Variants in WWTR1 observed in about 807,000 individuals in gnomAD.
WWTR1 encodes WW domain-containing transcription regulator protein 1.
Under a neutral mutation model 40.1 loss-of-function variants are expected in WWTR1, and 13 were observed. The ratio of observed to expected loss-of-function variants is 0.32; its 90% CI spans 0.21 to 0.52. WWTR1 has a LOEUF of 0.52. WWTR1 is among the 20% of genes least tolerant of loss of function. The pLI is 0.97. For synonymous variants in WWTR1, 230 were observed against 210.1 expected, an observed-to-expected ratio of 1.09 and a Z score of -0.82; for missense variants, 436 against 523.1, an observed-to-expected ratio of 0.83 and a Z score of 1.63.
intron 2 of WWTR1, among the ~76,000 whole-genome samples, chr3:149,604,768 G>A (rs547659074): frequency 6.6e-5 from 10 of 152,316 alleles, no homozygotes; most frequent in Non-Finnish European, 1.0e-4. Flanking sequence ...CACCCTCCCA[G>A]TCTGCTCAGA....
At chr3:149,677,144 T>C (rs961163473) in intron 1 of WWTR1, among the ~76,000 whole-genome samples, 2 of 151,904 alleles carry the variant, frequency 1.3e-5, no homozygotes, top group African/African-American at 4.8e-5. Context: ...TTGAACTCCT[T>C]ACCTCAGGTC....
At chr3:149,570,559 C>G (rs1197023867) in intron 3 of WWTR1, among the ~76,000 whole-genome samples, 1 of 143,804 alleles carries the variant, frequency 7.0e-6, no homozygotes, top group African/African-American at 2.6e-5. Context: ...CAGGGTGAGC[C>G]TCTTTCTCAA....
chr3:149,723,185 C>CT (rs35573546), intron 4 of WWTR1, among the ~76,000 whole-genome samples: 59,493 of 102,770 alleles, frequency 0.58, 18,087 homozygotes, highest in Middle Eastern at 0.63. Context: ...CTTTTCTTTT[C>CT]TTTTTTTTTT....
chr3:149,541,570 T>C (rs1298905255), intron 4 of WWTR1, among the ~76,000 whole-genome samples: 2 of 151,958 alleles, frequency 1.3e-5, no homozygotes, highest in Non-Finnish European at 2.9e-5. Flanking sequence ...TCATTTCTTC[T>C]GAGGAACATC....
At chr3:149,637,165 AAGC>A (rs1711870220) in intron 2 of WWTR1, among the ~76,000 whole-genome samples, 1 of 151,964 alleles carries the variant, frequency 6.6e-6, no homozygotes, top group South Asian at 2.1e-4. Flanking sequence ...TCTAATCTAA[AAGC>A]ATCAATTTCT....
chr3:149,553,748 G>A (rs1736709969), intron 3 of WWTR1, among the ~76,000 whole-genome samples: 1 of 152,118 alleles, frequency 6.6e-6, no homozygotes, highest in Non-Finnish European at 1.5e-5. Context: ...AAATATTTCA[G>A]CATCAAGAGT....
intron 1 of WWTR1, among the ~76,000 whole-genome samples, chr3:149,678,487 G>A (rs1324310409): frequency 6.6e-6 from 1 of 152,078 alleles, no homozygotes; most frequent in Non-Finnish European, 1.5e-5. Flanking sequence ...AGCAGTGAGT[G>A]GCAGACATTA....
intron 1 of WWTR1, among the ~76,000 whole-genome samples, chr3:149,695,839 G>A (rs1301524785): frequency 4.7e-5 from 7 of 149,510 alleles, no homozygotes; most frequent in African/African-American, 9.8e-5. Context: ...GAGGCCGGAC[G>A]CAGTGGCTCA....
intron 1 of WWTR1, among the ~76,000 whole-genome samples, chr3:149,691,133 A>G (rs1452808852): frequency 6.6e-6 from 1 of 151,996 alleles, no homozygotes; most frequent in Non-Finnish European, 1.5e-5. Context: ...AAATAAAAAC[A>G]CAACATACCA....
chr3:149,680,551 A>C (rs916268504), intron 1 of WWTR1, among the ~76,000 whole-genome samples: 2 of 128,460 alleles, frequency 1.6e-5, no homozygotes, highest in Non-Finnish European at 3.2e-5. Context: ...CTCAAAAAAA[A>C]CCAACCAACC....
At chr3:149,712,242 C>T (rs1221892478) in intron 5 of WWTR1, among the ~76,000 whole-genome samples, 1 of 152,114 alleles carries the variant, frequency 6.6e-6, no homozygotes, top group Non-Finnish European at 1.5e-5. Context: ...ACTATGACCA[C>T]ACCTGTGAAT....
chr3:149,687,251 G>A (rs10935771), intron 1 of WWTR1, among the ~76,000 whole-genome samples: 44,398 of 152,116 alleles, frequency 0.29, 7,994 homozygotes, highest in Middle Eastern at 0.5. Context: ...CTGTAAGATA[G>A]CTGCATCATA....
rs1264950883 is a variant in WWTR1, at chr3:149,656,754, ATCTCTCTCTTTCTCTCTC to A, written c.431+104_431+121del. The A allele has an allele frequency of 6.4e-4, 495 of 767,528 alleles. 2 individuals carry two copies. Among genetic ancestry groups the A allele is most frequent in the South Asian group, 4.8e-3 (196 of 41,086 alleles). 47.5% of individuals were successfully genotyped at this position (767,528 alleles called of 1,614,324 possible). A position where few individuals can be genotyped will look rare whatever the true frequency, so the allele number is the denominator to read the frequency against. On this transcript the variant is annotated intron_variant, in intron 2 of 6. Coordinates refer to ENST00000360632, the MANE Select transcript of WWTR1 (RefSeq NM_015472.6). ...AAATAACCGTGGAAGGACACGCACC[ATCTCTCTCTTTCTCTCTC>A]TCTCTCTCTCTCTCTCTCTCACACA... is the stretch of plus-strand genomic sequence containing the variant.
Position 149,533,688 on chromosome 3 carries a change from TC to T in WWTR1, c.772-5720del, listed in dbSNP as rs533912099. Among the ~76,000 whole-genome samples the T allele has an allele frequency of 1.2e-3, 180 of 152,224 alleles. 1 individual carries two copies. Among genetic ancestry groups the T allele is most frequent in the Non-Finnish European group, 1.9e-3 (132 of 68,010 alleles). ...GGAACCAGAAAGATTGGAGTTCAAA[TC>T]CCAGTTCAGTTACTACATGTTGTGG... On this transcript the variant is annotated intron_variant, in intron 4 of 6. Coordinates refer to ENST00000360632, the MANE Select transcript of WWTR1 (RefSeq NM_015472.6).
At chr3:149,546,336 A>T (rs1736364833) in intron 3 of WWTR1, among the ~76,000 whole-genome samples, 1 of 152,266 alleles carries the variant, frequency 6.6e-6, no homozygotes, top group Admixed American at 6.5e-5. Context: ...TAATTGCAAA[A>T]GATTAAAAAT....
At chr3:149,615,862 G>A (rs973315886) in intron 2 of WWTR1, among the ~76,000 whole-genome samples, 5 of 152,104 alleles carry the variant, frequency 3.3e-5, no homozygotes, top group East Asian at 1.9e-4. Flanking sequence ...ATTATTGTAC[G>A]TGAGCATGTC....
intron 2 of WWTR1, among the ~76,000 whole-genome samples, chr3:149,645,423 T>C (rs1712462779): frequency 6.6e-6 from 1 of 152,114 alleles, no homozygotes; most frequent in Non-Finnish European, 1.5e-5. Context: ...CCACCTGCCT[T>C]GGCCTCCTAA....
At position 149,566,402 on chromosome 3, in the gene WWTR1, G is replaced by T. The variant is rs181708693; in HGVS notation, c.568+6462C>A. Among the ~76,000 whole-genome samples, 5 of 151,936 alleles carry T rather than the reference G, an allele frequency of 3.3e-5. No homozygotes were observed. The South Asian group carries it at 1.0e-3, about 32-fold the overall frequency. ...CCAAAAAGTGTATGGGTATTTTTTT[G>T]TTTGTTTGTCTCTGGGTTTGTGCGT... On this transcript the variant is annotated intron_variant, in intron 3 of 6. Coordinates refer to ENST00000360632, the MANE Select transcript of WWTR1 (RefSeq NM_015472.6).
chr3:149,718,006 A>G (rs1715652543), intron 4 of WWTR1, among the ~76,000 whole-genome samples: 1 of 152,206 alleles, frequency 6.6e-6, no homozygotes, highest in African/African-American at 2.4e-5. Flanking sequence ...TTTATACTGA[A>G]AAATAAGTGA....
Sources: gnomAD v4.1 joint callset for allele counts (sites outside exome capture counted in the v4.1 genomes callset) on GRCh38, gnomAD v4.1.1 for gene constraint, MANE v1.5 for transcripts, NCBI Gene and HGNC (gene_info 2026-07-23, HGNC 2026-07-21) for gene names.